Variants in ZNF558 observed in about 807,000 individuals in gnomAD.
The protein encoded by ZNF558 is zinc finger protein 558.
Under a neutral mutation model 37.6 loss-of-function variants are expected in ZNF558, and 23 were observed. The observed-to-expected ratio is 0.61, with a 90% CI of 0.44 to 0.87. The LOEUF (loss-of-function observed/expected upper bound fraction) is 0.87. ZNF558 is among the 40% of genes least tolerant of loss of function. ZNF558 has a pLI of 0.00. For synonymous variants in ZNF558, 189 were observed against 174.4 expected (o/e 1.08, Z -0.66); for missense variants, 429 against 483.7 (o/e 0.89, Z 1.06).
chr19:8,827,168 C>CCCT (rs1246872933), intron 2 of ZNF558, among the ~76,000 whole-genome samples: 1 of 147,966 alleles, frequency 6.8e-6, no homozygotes, highest in Non-Finnish European at 1.5e-5. Flanking sequence ...GTGACACCTG[C>CCCT]CCTGCCCTGG....
rs1343013401 is a variant in ZNF558, at chr19:8,809,862, C to A, written c.*1419G>T. 6.6e-6 allele frequency: 1 copy of A among 152,178 alleles called. No individual in the cohort carries two copies. Among genetic ancestry groups the A allele is most frequent in the Non-Finnish European group, 1.5e-5 (1 of 68,036 alleles). 9.4% of individuals were successfully genotyped at this position (152,178 alleles called of 1,614,324 possible). A position where few individuals can be genotyped will look rare whatever the true frequency, so the allele number is the denominator to read the frequency against. ...TCCCACACTCAAAACAGTGATTATA[C>A]TTTTTGTTCCCAGTGAAAATTGTGG... On this transcript the variant is annotated 3_prime_UTR_variant, in exon 10 of 10. Coordinates refer to ENST00000601372, the MANE Select transcript of ZNF558 (RefSeq NM_144693.3).
chr19:8,822,889 G>A lies in ZNF558; in HGVS notation c.-65-165C>T, dbSNP rs1054200351. On this transcript the variant is annotated intron_variant, in intron 4 of 9. Coordinates refer to ENST00000601372, the MANE Select transcript of ZNF558 (RefSeq NM_144693.3). This position sits in a 1 kb window ranked among gnomAD's most constrained non-coding sequence, Gnocchi z 4.4. The stretch of plus-strand genomic sequence containing the variant: ...GCAGGCAATGAATTCAGGGCCACCT[G>A]ATGGAAAACTTGCCTTCCTCTGTCC... The A allele has an allele frequency of 3.9e-5, 25 of 635,312 alleles. No individual in the cohort carries two copies. Among genetic ancestry groups the A allele is most frequent in the African/African-American group, 3.7e-4 (20 of 54,590 alleles). 39.4% of individuals were successfully genotyped at this position (635,312 alleles called of 1,614,324 possible). A position where few individuals can be genotyped will look rare whatever the true frequency, so the allele number is the denominator to read the frequency against.
intron 9 of ZNF558, among the ~76,000 whole-genome samples, chr19:8,812,335 G>A (rs2043815713): frequency 6.6e-6 from 1 of 152,238 alleles, no homozygotes; most frequent in Non-Finnish European, 1.5e-5. Context: ...CTGAGCCACA[G>A]ATAGGAAATA....
At chr19:8,815,060 A>G (rs1417599557) in intron 7 of ZNF558, among the ~76,000 whole-genome samples, 5 of 151,706 alleles carry the variant, frequency 3.3e-5, no homozygotes, top group Admixed American at 6.6e-5. Context: ...CAAATACCCT[A>G]GTTTCAACAA....
At chr19:8,824,822 C>T (rs766593587) in intron 3 of ZNF558, among the ~76,000 whole-genome samples, 180 bp downstream of exon 3, 28 of 152,182 alleles carry the variant, frequency 1.8e-4, no homozygotes, top group Non-Finnish European at 3.4e-4. Flanking sequence ...TTCTGTAGTG[C>T]GATGAGCCCA....
Position 8,812,553 on chromosome 19 carries a change from A to C in ZNF558, c.426+8T>G, listed in dbSNP as rs1037491977. On this transcript the variant is annotated splice_region_variant and intron_variant, in intron 9 of 9. Coordinates refer to ENST00000601372, the MANE Select transcript of ZNF558 (RefSeq NM_144693.3). ...TAGAAAACCAGAAATCACCCATGTT[A>C]GTCTTACCGTTTTTACACCTTTAGA... is the stretch of plus-strand genomic sequence containing the variant. 2.6e-6 allele frequency: 4 copies of C among 1,546,386 alleles called. No homozygotes were observed. In the African/African-American group the frequency reaches 5.6e-5, roughly 22 times the overall value.
At position 8,808,895 on chromosome 19, in the gene ZNF558, TCA is replaced by T. The variant is rs1159302321; in HGVS notation, c.*2384_*2385del. ...CCCAGGTTCAGGCAATTCTCCTGTCTCAGTTTCCCGAGTAGCTGGGAATACAG... is the reference window on the plus strand; with the variant it reads ...CCCAGGTTCAGGCAATTCTCCTGTCTGTTTCCCGAGTAGCTGGGAATACAG... On this transcript the variant is annotated 3_prime_UTR_variant, in exon 10 of 10. Coordinates refer to ENST00000601372, the MANE Select transcript of ZNF558 (RefSeq NM_144693.3). 1 of 152,208 alleles carries T rather than the reference TCA, an allele frequency of 6.6e-6. No individual in the cohort carries two copies. Among genetic ancestry groups the T allele is most frequent in the Non-Finnish European group, 1.5e-5 (1 of 68,064 alleles). The allele number at this position is 152,208 out of a possible 1,614,324, so 9.4% of individuals were successfully genotyped here.
chr19:8,813,307 T>C (rs1235564231), intron 7 of ZNF558, 85 bp from the exon 8 acceptor site: 9 of 1,030,434 alleles, frequency 8.7e-6, no homozygotes, highest in Non-Finnish European at 1.2e-5. Flanking sequence ...TTTATGAAGA[T>C]GGAAAAGTGT....
chr19:8,810,463 A>G lies in ZNF558; in HGVS notation c.*818T>C, dbSNP rs140234778. ...CTGCTGATAGCACTGAAGGCTTTCTACAGCTGTTCCATTCTTCAGGATTCT... is the reference window on the plus strand; with the variant it reads ...CTGCTGATAGCACTGAAGGCTTTCTGCAGCTGTTCCATTCTTCAGGATTCT... On this transcript the variant is annotated 3_prime_UTR_variant, in exon 10 of 10. Coordinates refer to ENST00000601372, the MANE Select transcript of ZNF558 (RefSeq NM_144693.3). 20 of 152,316 alleles carry G rather than the reference A, an allele frequency of 1.3e-4. No individual in the cohort carries two copies. Among genetic ancestry groups the G allele is most frequent in the African/African-American group, 4.8e-4 (20 of 41,562 alleles). 9.4% of individuals were successfully genotyped at this position (152,316 alleles called of 1,614,324 possible). A position where few individuals can be genotyped will look rare whatever the true frequency, so the allele number is the denominator to read the frequency against.
intron 2 of ZNF558, among the ~76,000 whole-genome samples, chr19:8,830,120 G>A (rs1008314395): frequency 3.9e-5 from 6 of 152,118 alleles, no homozygotes; most frequent in African/African-American, 1.4e-4. Flanking sequence ...CACAAGATCT[G>A]ATGGTTTAGA....
In ZNF558 at chr19:8,813,359, C is replaced by CT. The variant is rs146501903; in HGVS notation, c.248-138dup. 7,676 of 672,126 alleles carry CT rather than the reference C, an allele frequency of 0.011. 466 individuals carry two copies. In the African/African-American group the frequency reaches 0.12, roughly 11 times the overall value. The allele number at this position is 672,126 out of a possible 1,614,324, so 41.6% of individuals were successfully genotyped here. ...AAATAAATTATGCCTTAATTCTTTT[C>CT]TTTTTTTTATTTATTTTGAGATGGA... is the stretch of plus-strand genomic sequence containing the variant. On this transcript the variant is annotated intron_variant, in intron 7 of 9. Coordinates refer to ENST00000601372, the MANE Select transcript of ZNF558 (RefSeq NM_144693.3).
chr19:8,818,962 C>T (rs1432793113), intron 7 of ZNF558, among the ~76,000 whole-genome samples: 1 of 152,190 alleles, frequency 6.6e-6, no homozygotes, highest in African/African-American at 2.4e-5. Context: ...ACTGGATATA[C>T]ACACATGCAA....
intron 7 of ZNF558, among the ~76,000 whole-genome samples, chr19:8,814,136 A>G (rs1286334970): frequency 6.6e-6 from 1 of 152,250 alleles, no homozygotes; most frequent in African/African-American, 2.4e-5. Flanking sequence ...GCCTTCTCAG[A>G]AAACCCAGCT....
chr19:8,816,046 T>A (rs1347548191), intron 7 of ZNF558, among the ~76,000 whole-genome samples: 1 of 112,980 alleles, frequency 8.9e-6, no homozygotes, highest in Non-Finnish European at 1.9e-5. Context: ...AAATAGAGAT[T>A]CATACTGAAA....
chr19:8,824,721 T>C (rs1161981450), intron 3 of ZNF558, among the ~76,000 whole-genome samples: 3 of 152,172 alleles, frequency 2.0e-5, no homozygotes, highest in Admixed American at 2.0e-4. Context: ...AGGAGCTGTC[T>C]GTGCTCGAAG....
At chr19:8,812,532 A>C (rs1386747709) in intron 9 of ZNF558, 29 bp downstream of exon 9, 9 of 1,474,258 alleles carry the variant, frequency 6.1e-6, no homozygotes, top group Non-Finnish European at 8.2e-6. Context: ...CTACTGTAGA[A>C]AACCAGAAAT....
intron 7 of ZNF558, among the ~76,000 whole-genome samples, chr19:8,814,108 C>T (rs1260631982): frequency 1.3e-5 from 2 of 152,196 alleles, no homozygotes; most frequent in Admixed American, 1.3e-4. Flanking sequence ...ATCAAAAGTC[C>T]ACAGCAATCA....
At chr19:8,821,462 T>C (rs1181457591) in intron 6 of ZNF558, 156 bp from the exon 7 acceptor site, 1 of 1,498,480 alleles carries the variant, frequency 6.7e-7, no homozygotes, top group Non-Finnish European at 8.9e-7. Flanking sequence ...TCTGAGCTCC[T>C]CTCCCAGGGT....
chr19:8,814,958 T>C (rs995202966), intron 7 of ZNF558, among the ~76,000 whole-genome samples: 1 of 152,236 alleles, frequency 6.6e-6, no homozygotes, highest in Non-Finnish European at 1.5e-5. Context: ...AACTGTTGTA[T>C]GTTCTATAGA....
Sources: allele counts gnomAD v4.1 joint callset (sites outside exome capture counted in the v4.1 genomes callset), GRCh38; gene constraint gnomAD v4.1.1; non-coding constraint Gnocchi (gnomAD v3.1); transcripts MANE v1.5; gene names NCBI Gene and HGNC (gene_info 2026-07-23, HGNC 2026-07-21).